The following PIK3CB variants were observed in gnomAD, a reference collection of about 807,000 sequenced individuals.
PIK3CB encodes the protein phosphatidylinositol-4,5-bisphosphate 3-kinase catalytic subunit beta.
PIK3CB carries 39 observed loss-of-function variants against 136.8 expected under a neutral mutation model. That is an observed-to-expected ratio of 0.29 (90% confidence interval 0.22 to 0.37). The LOEUF (loss-of-function observed/expected upper bound fraction) is 0.37, where lower values mean the gene tolerates loss of function less well. PIK3CB is among the 10% of genes least tolerant of loss of function. The probability of loss-of-function intolerance (pLI) is 1.00; values close to 1 mark genes in which losing one functional copy is unlikely to be tolerated. For missense variants in PIK3CB, 868 were observed against 1,275.4 expected (o/e 0.68, Z 4.87); for synonymous variants, 428 against 436.6 (o/e 0.98, Z 0.25).
At position 138,821,669 on chromosome 3, in the gene PIK3CB, C is replaced by T. The variant is rs144157628; in HGVS notation, c.-122+13026G>A. Among the ~76,000 whole-genome samples, 1,225 of 152,092 alleles carry T rather than the reference C, an allele frequency of 8.1e-3. 18 individuals are homozygous for T. The highest frequency in any genetic ancestry group is 0.028 in the African/African-American group (1,153 of 41,490). On this transcript the variant is annotated intron_variant, in intron 1 of 23. Transcript: ENST00000674063. ...GAGTGGTGGCAGGCACCTGTAATTCCAGCTACTTGGGAGGCTGACACAGAA... is the reference window on the plus strand; with the variant it reads ...GAGTGGTGGCAGGCACCTGTAATTCTAGCTACTTGGGAGGCTGACACAGAA...
chr3:138,666,727 C>T (rs985220056), intron 19 of PIK3CB, among the ~76,000 whole-genome samples: 2 of 152,128 alleles, frequency 1.3e-5, no homozygotes, highest in African/African-American at 2.4e-5. Context: ...AATTCATGCA[C>T]TCAGTAAATA....
chr3:138,706,664 CTCT>C (rs2044383814), intron 11 of PIK3CB, among the ~76,000 whole-genome samples: 1 of 152,174 alleles, frequency 6.6e-6, no homozygotes, highest in African/African-American at 2.4e-5. Flanking sequence ...TTTTCTCTCT[CTCT>C]TTTTTTTGAG....
chr3:138,744,311 C>T (rs894500701), intron 4 of PIK3CB, among the ~76,000 whole-genome samples: 1 of 135,230 alleles, frequency 7.4e-6, no homozygotes, highest in South Asian at 2.5e-4. Context: ...AGGAGAATGG[C>T]GTGAACCCGG....
chr3:138,744,786 G>C (rs1019062415), intron 4 of PIK3CB, among the ~76,000 whole-genome samples: 2 of 152,024 alleles, frequency 1.3e-5, no homozygotes, highest in Non-Finnish European at 2.9e-5. Context: ...ATTTGTTTTC[G>C]GGCACTGTTT....
In PIK3CB at chr3:138,714,511, A is replaced by G; in HGVS notation, c.1259T>C (p.Ile420Thr). The change falls in exon 9 of 24, where the codon ATT becomes ACT. Residue 420 changes from isoleucine to threonine, a missense_variant. By Grantham distance (89) the Ile-to-Thr change is moderately conservative. Around this residue, in one of 4 missense-constraint regions of PIK3CB, gnomAD observed 612 missense variants for 801.1 expected, o/e 0.76. Coordinates refer to ENST00000674063, the MANE Select transcript of PIK3CB (RefSeq NM_006219.3). ...GATGGTCTGATATTTAGAGGGATTA[A>G]TAGTTTTCGTTGATTTCTTCGTTTT... is the stretch of plus-strand genomic sequence containing the variant. ...KVKTKKSTKT[I>T]NPSKYQTIRK... 6.2e-6 allele frequency: 10 copies of G among 1,611,546 alleles called. No homozygotes were observed. The highest frequency in any genetic ancestry group is 8.5e-6 in the Non-Finnish European group (10 of 1,177,700).
intron 19 of PIK3CB, among the ~76,000 whole-genome samples, chr3:138,668,054 G>A (rs554790882): frequency 3.3e-5 from 5 of 151,916 alleles, no homozygotes; most frequent in African/African-American, 1.2e-4. Context: ...GGCAATAAGA[G>A]CAAAACTCCA....
chr3:138,801,673 G>A (rs569796432), intron 1 of PIK3CB, among the ~76,000 whole-genome samples: 3 of 151,816 alleles, frequency 2.0e-5, no homozygotes, highest in Admixed American at 2.0e-4. Context: ...GATCATCCTG[G>A]CCAACATGGT....
intron 2 of PIK3CB, among the ~76,000 whole-genome samples, chr3:138,796,232 A>T (rs1348194159): frequency 6.6e-6 from 1 of 151,866 alleles, no homozygotes; most frequent in African/African-American, 2.4e-5. Context: ...AAAATACAAA[A>T]ATATTAGCCG....
intron 1 of PIK3CB, among the ~76,000 whole-genome samples, chr3:138,811,133 A>G (rs530014224): frequency 6.8e-6 from 1 of 146,564 alleles, no homozygotes; most frequent in Non-Finnish European, 1.5e-5. Flanking sequence ...AGGCTGAGGC[A>G]GGAGACTCGC....
At chr3:138,682,815 T>C (rs1486074223) in intron 18 of PIK3CB, among the ~76,000 whole-genome samples, 1 of 152,220 alleles carries the variant, frequency 6.6e-6, no homozygotes, top group East Asian at 1.9e-4. Flanking sequence ...TTCCTTTTAA[T>C]AACCCTGACA....
intron 16 of PIK3CB, among the ~76,000 whole-genome samples, chr3:138,686,481 T>G (rs958983235): frequency 3.9e-5 from 6 of 152,012 alleles, no homozygotes; most frequent in African/African-American, 1.4e-4. Flanking sequence ...CAAATAAAAT[T>G]CAACTTTATT....
chr3:138,730,020 C>T (rs2044935815), intron 8 of PIK3CB, among the ~76,000 whole-genome samples: 1 of 152,136 alleles, frequency 6.6e-6, no homozygotes, highest in Non-Finnish European at 1.5e-5. Flanking sequence ...TAACATTCTA[C>T]TGGAGCTCCT....
chr3:138,830,257 T>C (rs1179956397), intron 1 of PIK3CB, among the ~76,000 whole-genome samples: 1 of 151,880 alleles, frequency 6.6e-6, no homozygotes, highest in Admixed American at 6.6e-5. Flanking sequence ...ATTCTATAAA[T>C]AAAAAAAGGG....
chr3:138,755,420 T>A lies in PIK3CB; in HGVS notation c.397+334A>T, dbSNP rs368757875. ...ACTTTGGGGGGCCAAGGTAGGAGGA[T>A]CACTTGAGCCCAGGAGTTTGAGACC... is the stretch of plus-strand genomic sequence containing the variant. On this transcript the variant is annotated intron_variant, in intron 4 of 23. Coordinates refer to ENST00000674063, the MANE Select transcript of PIK3CB (RefSeq NM_006219.3). Among the ~76,000 whole-genome samples, 44 of 152,272 alleles carry A rather than the reference T, an allele frequency of 2.9e-4. 1 individual carries two copies. The South Asian group carries it at 5.0e-3, about 17-fold the overall frequency.
At chr3:138,728,451 A>G (rs1161803418) in intron 8 of PIK3CB, among the ~76,000 whole-genome samples, 1 of 152,196 alleles carries the variant, frequency 6.6e-6, no homozygotes, top group East Asian at 1.9e-4. Flanking sequence ...AGTGAACATT[A>G]TTTCAGAAAA....
chr3:138,752,562 A>G (rs1453864541), intron 4 of PIK3CB, among the ~76,000 whole-genome samples: 4 of 152,160 alleles, frequency 2.6e-5, no homozygotes, highest in Admixed American at 6.5e-5. Context: ...TACAAAAATT[A>G]GGTGGGCGTG....
chr3:138,705,675 A>C (rs1037238491), intron 11 of PIK3CB, among the ~76,000 whole-genome samples: 3 of 152,218 alleles, frequency 2.0e-5, no homozygotes, highest in African/African-American at 7.2e-5. Flanking sequence ...GTATTTATAA[A>C]GTATAATATC....
At chr3:138,781,131 A>T (rs2045918233) in intron 2 of PIK3CB, among the ~76,000 whole-genome samples, 1 of 152,144 alleles carries the variant, frequency 6.6e-6, no homozygotes, top group Non-Finnish European at 1.5e-5. Flanking sequence ...CTCTACAAAA[A>T]AATAAACAAA....
intron 2 of PIK3CB, among the ~76,000 whole-genome samples, chr3:138,773,004 T>C (rs1274867343): frequency 6.6e-6 from 1 of 151,770 alleles, no homozygotes; most frequent in Non-Finnish European, 1.5e-5. Flanking sequence ...GTAAGGCTGG[T>C]CTCGAACTCC....
Sources: allele counts gnomAD v4.1 joint callset (sites outside exome capture counted in the v4.1 genomes callset), GRCh38; gene constraint gnomAD v4.1.1; regional missense constraint gnomAD v4.1.1; transcripts MANE v1.5; gene names NCBI Gene and HGNC (gene_info 2026-07-23, HGNC 2026-07-21).